The following CHEK2 variants were observed in gnomAD, a reference collection of about 807,000 sequenced individuals.
CHEK2 encodes the protein checkpoint kinase 2, also known as serine/threonine-protein kinase Chk2.
CHEK2 carries 71 observed loss-of-function variants against 69.1 expected under a neutral mutation model. The observed-to-expected ratio is 1.03, with a 90% CI of 0.85 to 1.25. CHEK2 has a LOEUF of 1.25. CHEK2 is among the 50% of genes most tolerant of loss of function. The pLI is 0.00. For missense variants in CHEK2, 664 were observed against 649.6 expected (o/e 1.02, Z -0.24); for synonymous variants, 189 against 226.9 (o/e 0.83, Z 1.50).
At chr22:28,708,952 CAAAAA>C (rs374623367) in intron 7 of CHEK2, 85 of 330,496 alleles carry the variant, frequency 2.6e-4, no homozygotes, top group African/African-American at 4.2e-4. Flanking sequence ...GCCTCCGTCT[CAAAAA>C]AAAAAAAAAA....
rs1555932812 is a variant in CHEK2, at chr22:28,734,647, A to G, written c.75T>C (p.Val25=). 6.2e-7 allele frequency: 1 copy of G among 1,614,072 alleles called. No homozygotes were observed. Among genetic ancestry groups the G allele is most frequent in the South Asian group, 1.1e-5 (1 of 91,070 alleles). ...SSACSQPHGS[V]TQSQGSSSQS... ...GTGAGGAGGAGCCTTGGGACTGGGT[A>G]ACGCTGCCATGGGGCTGTGAACAGG... The change falls in exon 2 of 15, where the codon GTT becomes GTC. Residue 25 remains valine, a synonymous_variant. Coordinates refer to ENST00000404276, the MANE Select transcript of CHEK2 (RefSeq NM_007194.4).
At chr22:28,718,547 G>T (rs957888626) in intron 5 of CHEK2, among the ~76,000 whole-genome samples, 51 of 152,110 alleles carry the variant, frequency 3.4e-4, no homozygotes, top group Non-Finnish European at 6.0e-4. Context: ...ATAAATGAAT[G>T]AACGGACAAA....
At chr22:28,725,890 CAG>C (rs1483057607) in intron 2 of CHEK2, among the ~76,000 whole-genome samples, 1 of 138,606 alleles carries the variant, frequency 7.2e-6, no homozygotes, top group East Asian at 2.1e-4. Flanking sequence ...GCCTGGGCGA[CAG>C]AGTGAGACCC....
intron 2 of CHEK2, chr22:28,730,425 C>A: frequency 1.5e-6 from 1 of 671,000 alleles, no homozygotes; most frequent in Non-Finnish European, 2.7e-6. Flanking sequence ...CATACTTAGA[C>A]TGCAAACTGG....
chr22:28,689,149 G>A lies in CHEK2; in HGVS notation c.1528C>T (p.Gln510Ter), dbSNP rs886039512. Residue 510 changes from glutamine (Q) to a stop codon, truncating the protein, a stop_gained, in exon 14 of 15, where the codon CAG becomes TAG. Transcript: ENST00000404276. LOFTEE classifies it high-confidence loss of function. The part of the protein sequence containing the change: ...SEENESTALP[Q>*]VLAQPSTSRK... ...AATACGAATACCTGGGCTAGAACCT[G>A]GGGTAGAGCTGTGGATTCATTTTCC... The A allele has an allele frequency of 6.3e-7, 1 of 1,594,678 alleles. No homozygotes were observed. Among genetic ancestry groups the A allele is most frequent in the Non-Finnish European group, 8.5e-7 (1 of 1,178,244 alleles).
chr22:28,689,297 GA>G (rs1218358815), intron 13 of CHEK2, 82 bp from the exon 14 acceptor site: 1 of 967,706 alleles, frequency 1.0e-6, no homozygotes, highest in Non-Finnish European at 1.6e-6. Context: ...TGCCCCTGTG[GA>G]AAGAGGGAGG....
At chr22:28,738,710 A>G (rs1050163550) in intron 1 of CHEK2, among the ~76,000 whole-genome samples, 7 of 152,200 alleles carry the variant, frequency 4.6e-5, no homozygotes, top group Non-Finnish European at 2.9e-5. Context: ...GAAGTGCTCC[A>G]GGACACTCAT....
chr22:28,708,402 T>TGTGTGTGTGTGTGTG (rs1569135425), intron 7 of CHEK2, among the ~76,000 whole-genome samples: 5 of 146,842 alleles, frequency 3.4e-5, no homozygotes, highest in South Asian at 2.2e-4. Flanking sequence ...TGTGTGTGTG[T>TGTGTGTGTGTGTGTG]TAAAGAGAGA....
chr22:28,711,422 G>T (rs967611240), intron 6 of CHEK2, among the ~76,000 whole-genome samples: 66 of 152,226 alleles, frequency 4.3e-4, no homozygotes, highest in African/African-American at 1.4e-3. Flanking sequence ...CAAAAAGGAT[G>T]TATTAGGCAA....
intron 13 of CHEK2, among the ~76,000 whole-genome samples, chr22:28,693,216 C>T (rs1192553350): frequency 1.3e-5 from 2 of 152,126 alleles, no homozygotes; most frequent in Non-Finnish European, 1.5e-5. Context: ...TAAAGATTAA[C>T]CCAGCAAAGC....
intron 4 of CHEK2, among the ~76,000 whole-genome samples, chr22:28,722,306 C>A (rs1201694645): frequency 1.3e-5 from 2 of 151,272 alleles, no homozygotes. Flanking sequence ...TTTGGAAGGC[C>A]GAGGCGGAAG....
At chr22:28,728,641 G>A (rs553276532) in intron 2 of CHEK2, among the ~76,000 whole-genome samples, 35 of 152,140 alleles carry the variant, frequency 2.3e-4, no homozygotes, top group Admixed American at 1.6e-3. Flanking sequence ...GGCAGAGGCT[G>A]CAGTGAGCCA....
At chr22:28,690,293 A>G (rs1218740477) in intron 13 of CHEK2, among the ~76,000 whole-genome samples, 1 of 152,162 alleles carries the variant, frequency 6.6e-6, no homozygotes, top group Non-Finnish European at 1.5e-5. Flanking sequence ...GGAATTTGAG[A>G]CCAGCCTGGG....
chr22:28,725,416 A>C, intron 2 of CHEK2, 49 bp from the exon 3 acceptor site: 1 of 1,612,184 alleles, frequency 6.2e-7, no homozygotes. Context: ...TCATGTATCA[A>C]ACGTTTAAAA....
Position 28,725,307 on chromosome 22 carries a change from T to C in CHEK2, c.380A>G (p.Glu127Gly). ...RDKSCEYCFD[E>G]PLLKRTDKYR... is the part of the protein sequence containing the mutation. ...TTTATCTGTTCTTTTCAGCAGTGGT[T>C]CATCAAAGCAATATTCACAGCTTTT... is the stretch of plus-strand genomic sequence containing the variant. The change falls in exon 3 of 15, where the codon GAA becomes GGA. Residue 127 changes from glutamate (E) to glycine (G), a missense_variant. By Grantham distance (98) the Glu-to-Gly change is moderately conservative. Coordinates refer to ENST00000404276, the MANE Select transcript of CHEK2 (RefSeq NM_007194.4). The C allele has an allele frequency of 1.2e-6, 2 of 1,614,120 alleles. No homozygotes were observed. Among genetic ancestry groups the C allele is most frequent in the Non-Finnish European group, 1.7e-6 (2 of 1,179,972 alleles).
At position 28,730,359 on chromosome 22, in the gene CHEK2, GAAAGGA is replaced by G. The variant is rs200932714; in HGVS notation, c.319+4038_319+4043del. The G allele has an allele frequency of 0.036, 18,239 of 502,366 alleles. 418 individuals carry two copies. The highest frequency in any genetic ancestry group is 0.068 in the Middle Eastern group (239 of 3,524). 31.1% of individuals were successfully genotyped at this position (502,366 alleles called of 1,614,324 possible). ...AAAGGAAAAAAGAAAGGGGAAAGGG[GAAAGGA>G]AAAGGAAAAGGGAAAGAGAAAGGGA... On this transcript the variant is annotated intron_variant, in intron 2 of 14. Transcript: ENST00000404276.
intron 1 of CHEK2, among the ~76,000 whole-genome samples, chr22:28,735,444 A>G (rs912521471): frequency 3.3e-5 from 5 of 152,116 alleles, no homozygotes; most frequent in Admixed American, 6.6e-5. Flanking sequence ...CAATTTAACA[A>G]TGCTTCTATT....
At chr22:28,707,906 G>A (rs1383176451) in intron 7 of CHEK2, among the ~76,000 whole-genome samples, 3 of 138,772 alleles carry the variant, frequency 2.2e-5, no homozygotes, top group East Asian at 2.2e-4. Context: ...GCACAATCTC[G>A]GCTCACTGCA....
In CHEK2 at chr22:28,704,131, C is replaced by G. The variant is rs1037514395; in HGVS notation, c.847-565G>C. On this transcript the variant is annotated intron_variant, in intron 7 of 14. Coordinates refer to ENST00000404276, the MANE Select transcript of CHEK2 (RefSeq NM_007194.4). ...AGAGAGAGACAGACAGACACACACA[C>G]ACACACACACACACACACACACACA... 3.1e-3 allele frequency among the ~76,000 whole-genome samples: 454 copies of G among 148,026 alleles called. 1 individual carries two copies. The highest frequency in any genetic ancestry group is 0.01 in the African/African-American group (405 of 39,698).
Sources: gnomAD v4.1 joint callset for allele counts (sites outside exome capture counted in the v4.1 genomes callset) on GRCh38, gnomAD v4.1.1 for gene constraint, MANE v1.5 for transcripts, NCBI Gene and HGNC (gene_info 2026-07-23, HGNC 2026-07-21) for gene names.